The following MSANTD3 variants were observed in gnomAD, a reference collection of about 807,000 sequenced individuals.
The protein encoded by MSANTD3 is Myb/SANT DNA binding domain containing 3, also known as myb/SANT-like DNA-binding domain-containing protein 3.
Under a neutral mutation model 27.7 loss-of-function variants are expected in MSANTD3, and 11 were observed. That is an observed-to-expected ratio of 0.40 (90% CI 0.25 to 0.66). MSANTD3 has a LOEUF of 0.66. Ranked by LOEUF, MSANTD3 falls within the 30% of genes least tolerant of loss-of-function variation. MSANTD3 has a pLI of 0.41. For synonymous variants in MSANTD3, 131 were observed against 127.2 expected, an observed-to-expected ratio of 1.03 and a Z score of -0.20; for missense variants, 250 against 336.5, an observed-to-expected ratio of 0.74 and a Z score of 2.01.
chr9:100,447,369 T>A (rs1587794563), intron 2 of MSANTD3, among the ~76,000 whole-genome samples: 1 of 80,754 alleles, frequency 1.2e-5, no homozygotes. Flanking sequence ...GAGGCCTGGC[T>A]TTTTTTTTCC....
At chr9:100,446,627 A>T (rs1836759930) in intron 2 of MSANTD3, among the ~76,000 whole-genome samples, 1 of 152,106 alleles carries the variant, frequency 6.6e-6, no homozygotes, top group Non-Finnish European at 1.5e-5. Context: ...GGAGTTCAAG[A>T]CCATCCTGGC....
At chr9:100,440,531 T>C (rs558102128) in intron 1 of MSANTD3, among the ~76,000 whole-genome samples, 50 of 151,690 alleles carry the variant, frequency 3.3e-4, no homozygotes, top group Non-Finnish European at 6.0e-4. Flanking sequence ...ATTTTAAAGA[T>C]GAAAAAACTG....
At chr9:100,444,934 T>G in intron 2 of MSANTD3, 1 of 418,338 alleles carries the variant, frequency 2.4e-6, no homozygotes, top group Non-Finnish European at 4.3e-6. Flanking sequence ...AAATTGGATG[T>G]TTGTACATAG....
intron 1 of MSANTD3, among the ~76,000 whole-genome samples, chr9:100,436,787 A>G (rs914529696): frequency 6.6e-6 from 1 of 152,070 alleles, no homozygotes; most frequent in Non-Finnish European, 1.5e-5. Flanking sequence ...GCTCCAAAAG[A>G]TCTCCACAGT....
intron 1 of MSANTD3, among the ~76,000 whole-genome samples, chr9:100,431,982 G>T (rs763155960): frequency 6.6e-6 from 1 of 152,122 alleles, no homozygotes; most frequent in Non-Finnish European, 1.5e-5. Flanking sequence ...GGGTGGGGAT[G>T]GTTTAAGATG....
At chr9:100,443,839 C>T (rs1198954349) in intron 2 of MSANTD3, among the ~76,000 whole-genome samples, 2 of 152,172 alleles carry the variant, frequency 1.3e-5, no homozygotes, top group Non-Finnish European at 2.9e-5. Context: ...AGAAGACAGA[C>T]ATTGAAGCAG....
chr9:100,432,728 A>C (rs1289275341), intron 1 of MSANTD3, among the ~76,000 whole-genome samples: 4 of 152,222 alleles, frequency 2.6e-5, no homozygotes, highest in African/African-American at 9.6e-5. Context: ...CTTAAGCAAA[A>C]TAACAAGGTC....
Position 100,451,268 on chromosome 9 carries a change from A to G in MSANTD3, c.*302A>G. 3.9e-6 allele frequency: 1 copy of G among 257,188 alleles called. No individual in the cohort carries two copies. The highest frequency in any genetic ancestry group is 7.3e-6 in the Non-Finnish European group (1 of 136,150). The allele number at this position is 257,188 out of a possible 1,614,324, so 15.9% of individuals were successfully genotyped here. ...TGTTGTTGTTGTTGTTTTTTTTTTT[A>G]ATCAAATGCAAGTGTGACTATAAAG... On this transcript the variant is annotated 3_prime_UTR_variant, in exon 3 of 3. Coordinates refer to ENST00000395067, the MANE Select transcript of MSANTD3 (RefSeq NM_080655.3).
At chr9:100,437,176 G>C (rs1185291770) in intron 1 of MSANTD3, among the ~76,000 whole-genome samples, 2 of 152,142 alleles carry the variant, frequency 1.3e-5, no homozygotes, top group African/African-American at 4.8e-5. Flanking sequence ...GAAGGTACAC[G>C]TGGGAGGATT....
intron 2 of MSANTD3, chr9:100,448,710 G>C (rs2118131314): frequency 1.0e-6 from 1 of 985,402 alleles, no homozygotes; most frequent in Non-Finnish European, 1.2e-6. Flanking sequence ...GTTTTAACAA[G>C]TGTTCTGCCA....
At chr9:100,443,737 G>A (rs559672846) in intron 2 of MSANTD3, among the ~76,000 whole-genome samples, 2 of 152,336 alleles carry the variant, frequency 1.3e-5, no homozygotes, top group South Asian at 2.1e-4. Context: ...GGCAAGGGGA[G>A]GGTGGAAATG....
rs146790101 is a variant in MSANTD3, at chr9:100,450,950, T to G, written c.812T>G (p.Phe271Cys). The change falls in exon 3 of 3, where the codon TTT becomes TGT. Residue 271 changes from phenylalanine (F) to cysteine (C), a missense_variant. Phe to Cys is a radical substitution (Grantham distance 205). Coordinates refer to ENST00000395067, the MANE Select transcript of MSANTD3 (RefSeq NM_080655.3). ...CCTGTTTCCTCATTTAACCGGCCCT[T>G]TCCCAATTCGCCCTAAGACTTTGGG... ...EWPVSSFNRP[F>C]PNSP 4.9e-4 allele frequency: 778 copies of G among 1,591,284 alleles called. No homozygotes were observed. The highest frequency in any genetic ancestry group is 5.4e-4 in the Non-Finnish European group (637 of 1,171,332).
intron 1 of MSANTD3, among the ~76,000 whole-genome samples, chr9:100,438,788 A>G (rs567002601): frequency 1.9e-3 from 292 of 152,356 alleles, no homozygotes; most frequent in African/African-American, 6.8e-3. Flanking sequence ...AGTTTGGGGA[A>G]CATTGATTCA....
At chr9:100,430,823 T>A (rs1836360039) in intron 1 of MSANTD3, among the ~76,000 whole-genome samples, 1 of 152,022 alleles carries the variant, frequency 6.6e-6, no homozygotes, top group Non-Finnish European at 1.5e-5. Context: ...GAGATTTTGG[T>A]GTATGGGGAA....
At chr9:100,427,955 C>T (rs960153798) in intron 1 of MSANTD3, among the ~76,000 whole-genome samples, 20 of 151,832 alleles carry the variant, frequency 1.3e-4, no homozygotes, top group South Asian at 6.3e-4. Flanking sequence ...GTCGGGGGGG[C>T]GTGGTATAAT....
At chr9:100,448,865 C>A in intron 2 of MSANTD3, 1 of 984,952 alleles carries the variant, frequency 1.0e-6, no homozygotes, top group Non-Finnish European at 1.2e-6. Context: ...ACTTCTCTTC[C>A]AGAAGTAAGA....
chr9:100,439,499 C>T (rs1478516107), intron 1 of MSANTD3, among the ~76,000 whole-genome samples: 2 of 151,024 alleles, frequency 1.3e-5, no homozygotes, highest in African/African-American at 4.9e-5. Context: ...AAGTTGGTTC[C>T]TAATTTTTTT....
chr9:100,437,440 C>T (rs1183902239), intron 1 of MSANTD3, among the ~76,000 whole-genome samples: 1 of 152,086 alleles, frequency 6.6e-6, no homozygotes, highest in Non-Finnish European at 1.5e-5. Context: ...ATTTTGTGAC[C>T]AGAGTAAGTT....
At position 100,450,818 on chromosome 9, in the gene MSANTD3, A is replaced by G. The variant is rs1399008580; in HGVS notation, c.680A>G (p.Glu227Gly). 6.2e-7 allele frequency: 1 copy of G among 1,614,238 alleles called. No homozygotes were observed. The highest frequency in any genetic ancestry group is 8.5e-7 in the Non-Finnish European group (1 of 1,180,038). Residue 227 changes from glutamate to glycine, a missense_variant, in exon 3 of 3, where the codon GAG (glutamate) becomes GGG (glycine). Around this residue, in one of 3 missense-constraint regions of MSANTD3, gnomAD observed 235 missense variants for 299.3 expected, o/e 0.79. Transcript: ENST00000395067. ...EVHVAKIQQIERECEMAEEEH... is the reference protein window; with the variant it reads ...EVHVAKIQQIGRECEMAEEEH... ...CATGTGGCCAAAATCCAGCAGATAG[A>G]GCGAGAGTGTGAGATGGCAGAGGAG...
Sources: allele counts gnomAD v4.1 joint callset (sites outside exome capture counted in the v4.1 genomes callset), GRCh38; gene constraint gnomAD v4.1.1; regional missense constraint gnomAD v4.1.1; transcripts MANE v1.5; gene names NCBI Gene and HGNC (gene_info 2026-07-23, HGNC 2026-07-21).